The following C4orf50 variants were observed in gnomAD, a reference collection of about 807,000 sequenced individuals.
C4orf50 encodes the protein chromosome 4 open reading frame 50, also known as uncharacterized protein C4orf50.
C4orf50 carries 80 observed loss-of-function variants against 77.2 expected under a neutral mutation model. The observed-to-expected ratio is 1.04, with a 90% CI of 0.87 to 1.25. The LOEUF is 1.25. Ranked by LOEUF, C4orf50 falls within the 50% of genes most tolerant of loss-of-function variation. C4orf50 has a pLI of 0.00. For synonymous variants in C4orf50, 532 were observed against 465.3 expected (o/e 1.14, Z -1.84); for missense variants, 1,257 against 1,152.9 (o/e 1.09, Z -1.31).
downstream of C4orf50, among the ~76,000 whole-genome samples, chr4:5,956,018 G>A (rs1718941681): frequency 6.6e-6 from 1 of 152,142 alleles, no homozygotes; most frequent in South Asian, 2.1e-4. Flanking sequence ...TCTGACCCAG[G>A]ATTTCCTCTT....
rs1578005905 is a variant in C4orf50, at chr4:6,017,053, G to A, written c.287+1092C>T. Among the ~76,000 whole-genome samples the A allele has an allele frequency of 6.6e-6, 1 of 152,218 alleles. No individual in the cohort carries two copies. The highest frequency in any genetic ancestry group is 6.5e-5 in the Admixed American group (1 of 15,288). ...CAGTCTGGGTGTCAAGACATCGTCA[G>A]GAAAGAAGATGGGCTTTAGAGAAAG... On this transcript the variant is annotated intron_variant, in intron 23 of 33. Coordinates refer to ENST00000531445, the Ensembl canonical transcript of C4orf50. The surrounding 1 kb of genome is among the most constrained non-coding windows in gnomAD (Gnocchi z 4.7).
At chr4:5,927,377 C>T (rs1350582596) in intron 7 of C4orf50, among the ~76,000 whole-genome samples, 2 of 152,058 alleles carry the variant, frequency 1.3e-5, no homozygotes, top group Non-Finnish European at 2.9e-5. Context: ...CCTTTGTTTC[C>T]CCTGCCTGGA....
At chr4:5,943,507 A>G (rs1171253187) in intron 7 of C4orf50, among the ~76,000 whole-genome samples, 2 of 152,214 alleles carry the variant, frequency 1.3e-5, no homozygotes, top group African/African-American at 2.4e-5. Context: ...CTTCACCCCA[A>G]CTGTGTGATC....
intron 25 of C4orf50, among the ~76,000 whole-genome samples, chr4:6,002,428 T>C (rs911192897): frequency 6.6e-6 from 1 of 152,204 alleles, no homozygotes; most frequent in African/African-American, 2.4e-5. Flanking sequence ...TGAGGTACTT[T>C]GTTACAGCAG....
In C4orf50 at chr4:5,919,428, T is replaced by TG. The variant is rs1209867304; in HGVS notation, c.*2475-21241dup. On this transcript the variant is annotated intron_variant, in intron 7 of 7. Coordinates refer to the C4orf50 transcript ENST00000324058. The surrounding 1 kb of genome is among the most constrained non-coding windows in gnomAD (Gnocchi z 6.5). ...GGACTGAGGCAGGGGCAGGTGGGGG[T>TG]GGGGGGCACACCCTTTCCTAAAGGG... 9.0e-6 allele frequency among the ~76,000 whole-genome samples: 1 copy of TG among 110,800 alleles called. No homozygotes were observed. The highest frequency in any genetic ancestry group is 3.5e-5 in the African/African-American group (1 of 28,370). The allele number at this position is 110,800 out of a possible 152,430, so 72.7% of individuals were successfully genotyped here.
At chr4:5,990,078 T>C in exon 28 of C4orf50, 1 of 1,333,460 alleles carries the variant, frequency 7.5e-7, no homozygotes, top group African/African-American at 1.5e-5. Flanking sequence ...ACAGTCCTCC[T>C]CGGAGACCCC....
rs1191764257 is a variant in C4orf50 at position 5,908,926 on chromosome 4, C to G, written c.*2475-10738G>C. On this transcript the variant is annotated intron_variant, in intron 7 of 7. Coordinates refer to the C4orf50 transcript ENST00000324058. This position sits in a 1 kb window ranked among gnomAD's most constrained non-coding sequence, Gnocchi z 5.6. ...AATGGGGGTTACCTGCTCTGTCATT[C>G]ACTCCCCTGAATGGCCATTGTCCCA... Among the ~76,000 whole-genome samples, 1 of 152,148 alleles carries G rather than the reference C, an allele frequency of 6.6e-6. No homozygotes were observed. Among genetic ancestry groups the G allele is most frequent in the Non-Finnish European group, 1.5e-5 (1 of 68,016 alleles).
intron 28 of C4orf50, among the ~76,000 whole-genome samples, chr4:5,981,926 G>A (rs1288948330): frequency 6.6e-6 from 1 of 152,050 alleles, no homozygotes; most frequent in Non-Finnish European, 1.5e-5. Context: ...GTAGGTAGGA[G>A]GGGGATCCCA....
At position 5,900,116 on chromosome 4, in the gene C4orf50, C is replaced by T. The variant is rs1166342700; in HGVS notation, c.*2475-1928G>A. The T allele has an allele frequency of 6.6e-6, 1 of 152,086 alleles. No individual in the cohort carries two copies. Among genetic ancestry groups the T allele is most frequent in the Non-Finnish European group, 1.5e-5 (1 of 68,022 alleles). 9.4% of individuals were successfully genotyped at this position (152,086 alleles called of 1,614,324 possible). A position where few individuals can be genotyped will look rare whatever the true frequency, so the allele number is the denominator to read the frequency against. ...TTCTCAGAAGGTTTCACGTTTCAGACCTAGAATTTCACCCTGGAACCAAAG... is the reference window on the plus strand; with the variant it reads ...TTCTCAGAAGGTTTCACGTTTCAGATCTAGAATTTCACCCTGGAACCAAAG... On this transcript the variant is annotated intron_variant, in intron 7 of 7. Transcript: ENST00000324058. The surrounding 1 kb of genome is among the most constrained non-coding windows in gnomAD (Gnocchi z 4.3).
chr4:5,936,248 T>C (rs1718007772), intron 7 of C4orf50, among the ~76,000 whole-genome samples: 1 of 151,356 alleles, frequency 6.6e-6, no homozygotes, highest in Non-Finnish European at 1.5e-5. Flanking sequence ...CTAATGAAAT[T>C]ACCTAGAATA....
intron 7 of C4orf50, among the ~76,000 whole-genome samples, chr4:5,951,645 C>T (rs568485407): frequency 2.0e-5 from 3 of 152,294 alleles, no homozygotes; most frequent in East Asian, 3.9e-4. Flanking sequence ...CTAAGACAGA[C>T]GGCATGAAAT....
At chr4:5,993,228 A>G (rs59228060) in intron 26 of C4orf50, among the ~76,000 whole-genome samples, 26,219 of 152,202 alleles carry the variant, frequency 0.17, 2,431 homozygotes, top group Non-Finnish European at 0.2. Context: ...AAGCCTCAGC[A>G]TCCTCATCTG....
chr4:5,964,155 C>T (rs896046609), intron 33 of C4orf50, among the ~76,000 whole-genome samples: 1 of 152,130 alleles, frequency 6.6e-6, no homozygotes, highest in Non-Finnish European at 1.5e-5. Flanking sequence ...GACCTATTTT[C>T]CCTCGAGGTG....
At position 5,936,922 on chromosome 4, in the gene C4orf50, C is replaced by T. The variant is rs185068730; in HGVS notation, c.*2474+19979G>A. Among the ~76,000 whole-genome samples the T allele has an allele frequency of 2.5e-3, 383 of 151,862 alleles. 1 individual carries two copies. Among genetic ancestry groups the T allele is most frequent in the African/African-American group, 9.0e-3 (374 of 41,438 alleles). On this transcript the variant is annotated intron_variant, in intron 7 of 7. Transcript: ENST00000324058. ...ACATGGCAGTTACAGCAATAACAGG[C>T]GTCTTCATGAAAGCCAGAAGACAGT...
chr4:5,946,070 C>T (rs562567426), intron 7 of C4orf50, among the ~76,000 whole-genome samples: 3,211 of 152,326 alleles, frequency 0.021, 55 homozygotes, highest in African/African-American at 0.039. Context: ...TGGCAGACCC[C>T]GGCTCTAGCT....
chr4:5,912,182 T>C (rs1407981961), intron 7 of C4orf50, among the ~76,000 whole-genome samples: 1 of 152,166 alleles, frequency 6.6e-6, no homozygotes. Context: ...GCTGCTGATA[T>C]GTTGGTAAGA....
intron 28 of C4orf50, among the ~76,000 whole-genome samples, chr4:5,984,679 AT>A (rs1205370788): frequency 1.3e-5 from 2 of 152,208 alleles, no homozygotes; most frequent in African/African-American, 2.4e-5. Flanking sequence ...AGAAACACAC[AT>A]TTTTTAAAAC....
intron 29 of C4orf50, 48 bp downstream of exon 7, chr4:5,980,126 G>A (rs1194909173): frequency 1.3e-6 from 2 of 1,506,542 alleles, no homozygotes; most frequent in East Asian, 2.3e-5. Flanking sequence ...ACGCCCCGGG[G>A]TGTGGGAGCC....
intron 7 of C4orf50, among the ~76,000 whole-genome samples, chr4:5,935,784 T>TAAAAAAAAAAAAAAA (rs769910855): frequency 6.4e-5 from 2 of 31,492 alleles, no homozygotes; most frequent in Non-Finnish European, 1.6e-4. Flanking sequence ...AGACTCCGTC[T>TAAAAAAAAAAAAAAA]AAAAAAAAAA....
Sources: allele counts gnomAD v4.1 joint callset (sites outside exome capture counted in the v4.1 genomes callset), GRCh38; gene constraint gnomAD v4.1.1; non-coding constraint Gnocchi (gnomAD v3.1); transcripts MANE v1.5; gene names NCBI Gene and HGNC (gene_info 2026-07-23, HGNC 2026-07-21).